The following ZNF827 variants were observed in gnomAD, a reference collection of about 807,000 sequenced individuals.
ZNF827 encodes zinc finger protein 827.
In ZNF827, 13 loss-of-function variants were observed where a neutral mutation model predicts 102.4. That is an observed-to-expected ratio of 0.13 (90% CI 0.08 to 0.20). The LOEUF (loss-of-function observed/expected upper bound fraction) is 0.20, where lower values mean the gene tolerates loss of function less well. Ranked by LOEUF, ZNF827 falls within the 10% of genes least tolerant of loss-of-function variation. The pLI, the probability that ZNF827 is intolerant of heterozygous loss-of-function variation, is 1.00. For missense variants in ZNF827, 1,103 were observed against 1,344.4 expected (o/e 0.82, Z 2.81); for synonymous variants, 523 against 536.2 (o/e 0.98, Z 0.34).
intron 5 of ZNF827, among the ~76,000 whole-genome samples, chr4:145,864,653 A>C (rs1310237038): frequency 6.6e-6 from 1 of 152,078 alleles, no homozygotes. Flanking sequence ...GGATTCAATA[A>C]ATTTCTCCAG....
intron 5 of ZNF827, among the ~76,000 whole-genome samples, chr4:145,867,844 T>G (rs1748340738): frequency 2.0e-5 from 3 of 152,190 alleles, no homozygotes; most frequent in African/African-American, 7.2e-5. Context: ...CCTGTCCAAC[T>G]ACACAGACGT....
At chr4:145,788,663 A>G (rs1431383973) in intron 8 of ZNF827, among the ~76,000 whole-genome samples, 1 of 152,212 alleles carries the variant, frequency 6.6e-6, no homozygotes, top group Non-Finnish European at 1.5e-5. Context: ...ATGGAAGCAA[A>G]CTGACAATAT....
chr4:145,862,790 A>G (rs1747856127), intron 5 of ZNF827, among the ~76,000 whole-genome samples: 1 of 152,252 alleles, frequency 6.6e-6, no homozygotes, highest in Admixed American at 6.5e-5. Flanking sequence ...AATATGAGAC[A>G]GACTTTCCTT....
At chr4:145,884,982 A>G (rs1413668964) in intron 4 of ZNF827, among the ~76,000 whole-genome samples, 1 of 152,122 alleles carries the variant, frequency 6.6e-6, no homozygotes, top group Non-Finnish European at 1.5e-5. Context: ...TTGTTTAATG[A>G]GTTTCAGTTT....
At chr4:145,919,250 C>T (rs1561080108) in intron 1 of ZNF827, among the ~76,000 whole-genome samples, 1 of 152,076 alleles carries the variant, frequency 6.6e-6, no homozygotes, top group Non-Finnish European at 1.5e-5. Context: ...AAGATCCTGT[C>T]TCAAAAATTA....
At chr4:145,874,515 T>A (rs1232265940) in intron 4 of ZNF827, among the ~76,000 whole-genome samples, 1 of 152,226 alleles carries the variant, frequency 6.6e-6, no homozygotes, top group African/African-American at 2.4e-5. Flanking sequence ...GCCTATATTT[T>A]AAAATTAATA....
At chr4:145,916,537 A>C (rs1752679871) in intron 1 of ZNF827, among the ~76,000 whole-genome samples, 1 of 152,080 alleles carries the variant, frequency 6.6e-6, no homozygotes, top group Non-Finnish European at 1.5e-5. Flanking sequence ...GTGATTTCCA[A>C]AGTACCTTTG....
chr4:145,917,654 T>C (rs1198089997), intron 1 of ZNF827, among the ~76,000 whole-genome samples: 1 of 131,496 alleles, frequency 7.6e-6, no homozygotes, highest in Non-Finnish European at 1.5e-5. Flanking sequence ...TTTGGAAACA[T>C]GCTCTACTGC....
At chr4:145,898,063 A>C (rs1467076726) in intron 2 of ZNF827, among the ~76,000 whole-genome samples, 23 of 152,140 alleles carry the variant, frequency 1.5e-4, no homozygotes, top group Non-Finnish European at 2.9e-5. Flanking sequence ...GCTCAGGCAC[A>C]AGAATTGCTT....
chr4:145,838,274 CA>C (rs567682691), intron 7 of ZNF827, among the ~76,000 whole-genome samples: 2 of 152,164 alleles, frequency 1.3e-5, no homozygotes, highest in African/African-American at 4.8e-5. Context: ...CATCCTGGCT[CA>C]AAAGCACCCC....
chr4:145,885,616 GAGA>G, intron 4 of ZNF827, 59 bp downstream of exon 4: 2 of 168,134 alleles, frequency 1.2e-5, no homozygotes, highest in Non-Finnish European at 1.5e-5. Context: ...GAGACAGAGA[GAGA>G]GAGAGAGAGA....
rs1235046247 is a variant in ZNF827 at position 145,849,402 on chromosome 4, C to T, written c.2141G>A (p.Gly714Asp). The change falls in exon 6 of 15, where the codon GGC (glycine) becomes GAC (aspartate). Residue 714 changes from glycine (G) to aspartate (D), a missense_variant. Around this residue, in one of 5 missense-constraint regions of ZNF827, gnomAD observed 243 missense variants for 251.6 expected, o/e 0.97. Transcript: ENST00000508784. ...GAGGTTTCTCTCTGGGGGTACTCTG[C>T]CCTCTGGCATCTTCTGTAAGGGTTC... The part of the protein sequence containing the change: ...KTEPLQKMPE[G>D]RVPPERNLFS... 1.2e-6 allele frequency: 2 copies of T among 1,614,016 alleles called. No homozygotes were observed. Among genetic ancestry groups the T allele is most frequent in the Non-Finnish European group, 1.7e-6 (2 of 1,180,026 alleles).
At chr4:145,837,133 C>A (rs1465850178) in intron 7 of ZNF827, among the ~76,000 whole-genome samples, 26 of 152,166 alleles carry the variant, frequency 1.7e-4, no homozygotes, top group Non-Finnish European at 3.2e-4. Flanking sequence ...GCCTTCCCAC[C>A]TCAATACAGT....
intron 7 of ZNF827, among the ~76,000 whole-genome samples, chr4:145,825,835 A>G (rs1743623074): frequency 6.6e-6 from 1 of 152,242 alleles, no homozygotes; most frequent in Non-Finnish European, 1.5e-5. Flanking sequence ...AACATTCAAA[A>G]TAATTTTCTA....
chr4:145,776,807 T>C (rs1333452491), intron 9 of ZNF827, among the ~76,000 whole-genome samples: 3 of 152,242 alleles, frequency 2.0e-5, no homozygotes, highest in Non-Finnish European at 2.9e-5. Context: ...AATAATTTAA[T>C]TGGAAATTTC....
At chr4:145,835,500 C>A (rs1375063291) in intron 7 of ZNF827, among the ~76,000 whole-genome samples, 7 of 150,678 alleles carry the variant, frequency 4.6e-5, no homozygotes, top group East Asian at 2.0e-4. Context: ...GCCCAGTTCC[C>A]TTATTAGGCT....
chr4:145,902,549 A>C lies in ZNF827; in HGVS notation c.710T>G (p.Phe237Cys). The C allele has an allele frequency of 6.2e-7, 1 of 1,614,170 alleles. No individual in the cohort carries two copies. The highest frequency in any genetic ancestry group is 8.5e-7 in the Non-Finnish European group (1 of 1,180,028). The change falls in exon 2 of 15, where the codon TTT (phenylalanine) becomes TGT (cysteine). Residue 237 changes from phenylalanine to cysteine, a missense_variant. By Grantham distance (205) the Phe-to-Cys change is radical. Transcript: ENST00000508784. The surrounding 1 kb of genome is among the most constrained non-coding windows in gnomAD (Gnocchi z 4.3). ...SLTRTEETMR[F>C]ESFSSPFSSQ... ...GCTAAAAGGGGAGGAAAAGGACTCA[A>C]ATCGCATGGTCTCCTCAGTCCTGGT...
chr4:145,822,785 G>A (rs1265694454), intron 8 of ZNF827, among the ~76,000 whole-genome samples: 1 of 152,126 alleles, frequency 6.6e-6, no homozygotes, highest in Non-Finnish European at 1.5e-5. Context: ...CCTCCAGGAT[G>A]GCCATGCTGT....
chr4:145,773,753 G>T (rs774603907), intron 11 of ZNF827, among the ~76,000 whole-genome samples: 2 of 152,216 alleles, frequency 1.3e-5, no homozygotes, highest in Admixed American at 1.3e-4. Flanking sequence ...ACAGTGATGG[G>T]TTTGTTTCAG....
Sources: allele counts gnomAD v4.1 joint callset (sites outside exome capture counted in the v4.1 genomes callset), GRCh38; gene constraint gnomAD v4.1.1; regional missense constraint gnomAD v4.1.1; non-coding constraint Gnocchi (gnomAD v3.1); transcripts MANE v1.5; gene names NCBI Gene and HGNC (gene_info 2026-07-23, HGNC 2026-07-21).